PIGF: variants seen among roughly 807,000 people sequenced by gnomAD.
PIGF encodes GPI ethanolamine phosphate transferase, stabilizing subunit.
PIGF carries 23 observed loss-of-function variants against 26.0 expected under a neutral mutation model. The ratio of observed to expected loss-of-function variants is 0.88; its 90% CI spans 0.64 to 1.25. PIGF has a LOEUF of 1.25. Ranked by LOEUF, PIGF falls within the 50% of genes most tolerant of loss-of-function variation. The probability of loss-of-function intolerance (pLI) is 0.00; values close to 1 mark genes in which losing one functional copy is unlikely to be tolerated. For synonymous variants in PIGF, 93 were observed against 92.6 expected (o/e 1.00, Z -0.03); for missense variants, 278 against 249.9 (o/e 1.11, Z -0.76).
chr2:46,613,061 A>ATATAT, intron 3 of PIGF, among the ~76,000 whole-genome samples: 1 of 136,038 alleles, frequency 7.4e-6, no homozygotes, highest in Non-Finnish European at 1.7e-5. Flanking sequence ...TATATATATA[A>ATATAT]AATGGTATAC....
chr2:46,587,374 A>G (rs1326012315), intron 5 of PIGF, among the ~76,000 whole-genome samples: 1 of 152,072 alleles, frequency 6.6e-6, no homozygotes, highest in African/African-American at 2.4e-5. Context: ...TATCTGTGGC[A>G]TCTGTGACTT....
chr2:46,601,513 G>A (rs1426750670), intron 4 of PIGF, among the ~76,000 whole-genome samples: 9 of 152,074 alleles, frequency 5.9e-5, no homozygotes, highest in Non-Finnish European at 8.8e-5. Context: ...TTAATTTTTT[G>A]AACTGCTAGT....
At chr2:46,597,933 C>CT (rs1377401295) in intron 4 of PIGF, among the ~76,000 whole-genome samples, 1 of 152,132 alleles carries the variant, frequency 6.6e-6, no homozygotes, top group African/African-American at 2.4e-5. Context: ...CCTTCTTAAT[C>CT]TAAAATCTCA....
At chr2:46,614,762 C>A in intron 2 of PIGF, 175 bp downstream of exon 2, 2 of 538,352 alleles carry the variant, frequency 3.7e-6, no homozygotes, top group Non-Finnish European at 6.7e-6. Flanking sequence ...AAGGATCAAT[C>A]AAACATTGTG....
chr2:46,593,335 G>A (rs912672462), intron 4 of PIGF, among the ~76,000 whole-genome samples: 22 of 152,122 alleles, frequency 1.4e-4, no homozygotes, highest in African/African-American at 5.1e-4. Flanking sequence ...GTTTCACTGT[G>A]TTGGCCAGGC....
chr2:46,597,569 T>C lies in PIGF; in HGVS notation c.438-4986A>G, dbSNP rs529449296. Among the ~76,000 whole-genome samples the C allele has an allele frequency of 7.0e-4, 107 of 152,196 alleles. 1 individual carries two copies. Among genetic ancestry groups the C allele is most frequent in the African/African-American group, 2.4e-3 (101 of 41,548 alleles). On this transcript the variant is annotated intron_variant, in intron 4 of 5. Transcript: ENST00000281382. ...CTGGGATTACAGGCGCCTGCCACCA[T>C]GCCCAGCTATTTTTGTATTTTTAGT...
rs1669643285 is a variant in PIGF at position 46,588,481 on chromosome 2, G to C, written c.546+3994C>G. ...TAACCATGTGTCAGGTGCTGAGCTA[G>C]GTATTTTAGAGGGATTTTATTATTT... On this transcript the variant is annotated intron_variant, in intron 5 of 5. Transcript: ENST00000281382. This position sits in a 1 kb window ranked among gnomAD's most constrained non-coding sequence, Gnocchi z 4.1. 4.7e-6 allele frequency: 1 copy of C among 213,564 alleles called. No individual in the cohort carries two copies. 13.2% of individuals were successfully genotyped at this position (213,564 alleles called of 1,614,324 possible).
intron 3 of PIGF, among the ~76,000 whole-genome samples, chr2:46,613,418 A>C (rs1319379638): frequency 6.6e-6 from 1 of 152,174 alleles, no homozygotes; most frequent in Non-Finnish European, 1.5e-5. Context: ...AGAGGTTCTA[A>C]GGGCCAAATA....
intron 5 of PIGF, chr2:46,583,129 G>A (rs1178079615): frequency 6.6e-6 from 1 of 152,060 alleles, no homozygotes; most frequent in Admixed American, 6.6e-5. Context: ...TGCCTTTGGG[G>A]ATTTATGAGG....
intron 5 of PIGF, among the ~76,000 whole-genome samples, chr2:46,586,330 G>A (rs1409523943): frequency 1.3e-5 from 2 of 152,122 alleles, no homozygotes; most frequent in East Asian, 1.9e-4. Context: ...CCATTCATTC[G>A]AAACTATTTG....
At chr2:46,591,363 T>A (rs1237236834) in intron 5 of PIGF, 1 of 192,674 alleles carries the variant, frequency 5.2e-6, no homozygotes, top group Non-Finnish European at 9.5e-6. Context: ...TTCCTCTGGG[T>A]GGTTGGGGAG....
At chr2:46,598,715 T>C (rs1032126094) in intron 4 of PIGF, among the ~76,000 whole-genome samples, 28 of 152,108 alleles carry the variant, frequency 1.8e-4, no homozygotes, top group African/African-American at 6.3e-4. Flanking sequence ...CTAATAGTTA[T>C]AGCTTCTTTT....
chr2:46,613,556 C>G (rs1465202814), intron 3 of PIGF, 138 bp downstream of exon 3: 1 of 595,030 alleles, frequency 1.7e-6, no homozygotes, highest in Non-Finnish European at 2.9e-6. Context: ...AAGAATAACA[C>G]TGCTAATGAT....
At chr2:46,596,587 C>T (rs1361080681) in intron 4 of PIGF, among the ~76,000 whole-genome samples, 3 of 151,966 alleles carry the variant, frequency 2.0e-5, no homozygotes, top group African/African-American at 7.3e-5. Context: ...CCTCTTCCAT[C>T]CCTCCCCACT....
rs1387971523 is a variant in PIGF, at chr2:46,612,359, AG to A, written c.321-16del. On this transcript the variant is annotated splice_polypyrimidine_tract_variant and intron_variant, in intron 3 of 5. Coordinates refer to ENST00000281382, the MANE Select transcript of PIGF (RefSeq NM_002643.4). Reference sequence around the variant, plus strand: ...CCAATGCCAACCTAGAAAAAAAAAAAGATTACTTTTTAAAAAAGTGTTAAAG... The same window carrying A: ...CCAATGCCAACCTAGAAAAAAAAAAAATTACTTTTTAAAAAAGTGTTAAAG... The A allele has an allele frequency of 3.0e-6, 3 of 985,266 alleles. No individual in the cohort carries two copies. Among genetic ancestry groups the A allele is most frequent in the African/African-American group, 1.7e-5 (1 of 59,566 alleles). The allele number at this position is 985,266 out of a possible 1,614,324, so 61.0% of individuals were successfully genotyped here. A position where few individuals can be genotyped will look rare whatever the true frequency, so the allele number is the denominator to read the frequency against.
chr2:46,614,757 T>A, intron 2 of PIGF, 180 bp downstream of exon 2: 1 of 532,740 alleles, frequency 1.9e-6, no homozygotes, highest in Non-Finnish European at 3.4e-6. Flanking sequence ...AAGGCAAGGA[T>A]CAATCAAACA....
intron 5 of PIGF, among the ~76,000 whole-genome samples, chr2:46,584,938 C>T (rs1669521218): frequency 6.6e-6 from 1 of 152,170 alleles, no homozygotes; most frequent in South Asian, 2.1e-4. Context: ...TTAAACTACA[C>T]TATGGCAACA....
rs989800004 is a variant in PIGF at position 46,589,612 on chromosome 2, C to T, written c.546+2863G>A. On this transcript the variant is annotated intron_variant, in intron 5 of 5. Coordinates refer to ENST00000281382, the MANE Select transcript of PIGF (RefSeq NM_002643.4). The surrounding 1 kb of genome is among the most constrained non-coding windows in gnomAD (Gnocchi z 4.7). ...CACAATCCAGAAAAGCTTGCTTTAC[C>T]ACAAGCAGATCAAATCGGTATTGGG... 1.3e-5 allele frequency among the ~76,000 whole-genome samples: 2 copies of T among 151,732 alleles called. No homozygotes were observed. Among genetic ancestry groups the T allele is most frequent in the African/African-American group, 4.8e-5 (2 of 41,350 alleles).
intron 4 of PIGF, among the ~76,000 whole-genome samples, chr2:46,602,931 G>C (rs1572778949): frequency 1.3e-5 from 2 of 151,900 alleles, no homozygotes; most frequent in South Asian, 4.1e-4. Context: ...AATTATCCTT[G>C]TTTGCAGATG....
Sources: allele counts gnomAD v4.1 joint callset (sites outside exome capture counted in the v4.1 genomes callset), GRCh38; gene constraint gnomAD v4.1.1; non-coding constraint Gnocchi (gnomAD v3.1); transcripts MANE v1.5; gene names NCBI Gene and HGNC (gene_info 2026-07-23, HGNC 2026-07-21).